Variants in PDE4D observed in about 807,000 individuals in gnomAD.
PDE4D encodes 3',5'-cyclic-AMP phosphodiesterase 4D.
In PDE4D, 24 loss-of-function variants were observed where a neutral mutation model predicts 87.4. The observed-to-expected ratio is 0.27, with a 90% CI of 0.20 to 0.39. The LOEUF is 0.39. PDE4D is among the 10% of genes least tolerant of loss of function. The probability of loss-of-function intolerance (pLI) is 1.00; values close to 1 mark genes in which losing one functional copy is unlikely to be tolerated. For synonymous variants in PDE4D, 384 were observed against 383.2 expected (o/e 1.00, Z -0.02); for missense variants, 714 against 1,041.0 (o/e 0.69, Z 4.32).
At chr5:60,014,812 G>A (rs1260488349) in intron 2 of PDE4D, among the ~76,000 whole-genome samples, 1 of 152,134 alleles carries the variant, frequency 6.6e-6, no homozygotes, top group African/African-American at 2.4e-5. Flanking sequence ...GGAATAAATA[G>A]TCTCACAAAG....
chr5:59,804,704 TA>T (rs1184530312), intron 1 of PDE4D, among the ~76,000 whole-genome samples: 1 of 152,212 alleles, frequency 6.6e-6, no homozygotes, highest in East Asian at 1.9e-4. Context: ...TCATAAAACT[TA>T]AAAACGAGGA....
chr5:60,220,840 T>C lies in PDE4D; in HGVS notation c.-89-35153A>G, dbSNP rs370882202. Among the ~76,000 whole-genome samples the C allele has an allele frequency of 3.3e-5, 5 of 152,252 alleles. No homozygotes were observed. In the East Asian group the frequency reaches 5.8e-4, roughly 18 times the overall value. On this transcript the variant is annotated intron_variant, in intron 1 of 16. Transcript: ENST00000502484. ...TACCTACTTCACTTACCTATTAAAA[T>C]AAGTCCTTTAATAGACTACTGGTAA...
intron 5 of PDE4D, among the ~76,000 whole-genome samples, chr5:59,108,025 AC>A (rs1375276963): frequency 6.6e-6 from 1 of 152,178 alleles, no homozygotes; most frequent in Non-Finnish European, 1.5e-5. Flanking sequence ...CATATTGGGG[AC>A]CATGGGTAAG....
intron 2 of PDE4D, among the ~76,000 whole-genome samples, chr5:60,152,897 A>G (rs1299963196): frequency 1.3e-5 from 2 of 152,178 alleles, no homozygotes; most frequent in East Asian, 3.8e-4. Flanking sequence ...TGATTTCTGT[A>G]GCATCAATTG....
chr5:60,497,587 A>G (rs1185399525), intron 1 of PDE4D, among the ~76,000 whole-genome samples: 2 of 151,802 alleles, frequency 1.3e-5, no homozygotes, highest in Non-Finnish European at 2.9e-5. Flanking sequence ...TATTTTTTGT[A>G]GAGACAGGGT....
At position 59,843,665 on chromosome 5, in the gene PDE4D, T is replaced by C. The variant is rs182454600; in HGVS notation, c.455+49503A>G. ...TGGCAGTAGGCAAGCTGCCTATGTT[T>C]ATAACTCTGAGCACACAGGTGATGT... On this transcript the variant is annotated intron_variant, in intron 1 of 14. Transcript: ENST00000340635. 5.3e-5 allele frequency among the ~76,000 whole-genome samples: 8 copies of C among 152,174 alleles called. No individual in the cohort carries two copies. In the East Asian group the frequency reaches 1.6e-3, roughly 30 times the overall value.
In PDE4D at chr5:59,586,768, G is replaced by C. The variant is rs934576429; in HGVS notation, c.455+306400C>G. The C allele has an allele frequency of 2.6e-5, 26 of 985,258 alleles. No individual in the cohort carries two copies. In the African/African-American group the frequency reaches 4.4e-4, roughly 17 times the overall value. 61.0% of individuals were successfully genotyped at this position (985,258 alleles called of 1,614,324 possible). On this transcript the variant is annotated intron_variant, in intron 1 of 14. Coordinates refer to ENST00000340635, the MANE Select transcript of PDE4D (RefSeq NM_001104631.2). ...AGGACTCTGGAATGTGGGAAGAAAG[G>C]AGTCAAAAGACAGTTTCTTGATATC...
chr5:60,227,059 A>T (rs1353809941), intron 1 of PDE4D, among the ~76,000 whole-genome samples: 3 of 152,140 alleles, frequency 2.0e-5, no homozygotes, highest in African/African-American at 7.2e-5. Flanking sequence ...AAACAGATAG[A>T]TATATAGATA....
intron 1 of PDE4D, among the ~76,000 whole-genome samples, chr5:59,221,050 A>G (rs1229600100): frequency 1.3e-5 from 2 of 152,110 alleles, no homozygotes; most frequent in Non-Finnish European, 2.9e-5. Context: ...AATCCTCACA[A>G]TAACACTTTG....
intron 5 of PDE4D, among the ~76,000 whole-genome samples, chr5:59,172,021 TATAATAAATATATA>T (rs1561622392): frequency 8.3e-4 from 12 of 14,442 alleles, no homozygotes; most frequent in African/African-American, 3.6e-3. Context: ...ATATTATATA[TATAATAAATATATA>T]TTATATATAT....
At chr5:59,466,126 C>T (rs576715063) in intron 1 of PDE4D, among the ~76,000 whole-genome samples, 1 of 151,976 alleles carries the variant, frequency 6.6e-6, no homozygotes, top group South Asian at 2.1e-4. Context: ...TATAACAAAA[C>T]CTGAAGAAAG....
intron 1 of PDE4D, among the ~76,000 whole-genome samples, chr5:59,374,199 G>A (rs1168623285): frequency 1.3e-5 from 2 of 152,076 alleles, no homozygotes; most frequent in Admixed American, 1.3e-4. Flanking sequence ...AATGTAAATG[G>A]ACTAAATGCC....
intron 5 of PDE4D, among the ~76,000 whole-genome samples, chr5:59,171,831 TA>T (rs1180195028): frequency 7.6e-6 from 1 of 132,144 alleles, no homozygotes; most frequent in Admixed American, 8.1e-5. Context: ...ATTTAATATA[TA>T]TTTTATATAT....
intron 1 of PDE4D, among the ~76,000 whole-genome samples, chr5:59,653,188 T>G: frequency 6.8e-6 from 1 of 146,212 alleles, no homozygotes; most frequent in East Asian, 2.0e-4. Flanking sequence ...ATTCTTCAAA[T>G]AATGTTAGCA....
intron 1 of PDE4D, among the ~76,000 whole-genome samples, chr5:59,641,338 T>C (rs1741549293): frequency 6.6e-6 from 1 of 152,170 alleles, no homozygotes; most frequent in Non-Finnish European, 1.5e-5. Context: ...TATACACCAG[T>C]GAGACCATCA....
intron 1 of PDE4D, among the ~76,000 whole-genome samples, chr5:59,636,109 C>T (rs1832210362): frequency 1.4e-5 from 2 of 142,992 alleles, no homozygotes; most frequent in Non-Finnish European, 3.1e-5. Context: ...ACAGCCAAAT[C>T]ATGAGCAAAC....
intron 1 of PDE4D, among the ~76,000 whole-genome samples, chr5:59,739,738 A>G (rs906208404): frequency 2.0e-5 from 3 of 152,184 alleles, no homozygotes; most frequent in African/African-American, 7.2e-5. Flanking sequence ...TCTATACATC[A>G]TATTTCTGAG....
chr5:60,505,472 C>T (rs1267627222), intron 1 of PDE4D, among the ~76,000 whole-genome samples: 3 of 152,198 alleles, frequency 2.0e-5, no homozygotes, highest in Admixed American at 6.5e-5. Context: ...AGCATATCAA[C>T]GTACGTTCTT....
intron 1 of PDE4D, among the ~76,000 whole-genome samples, chr5:59,731,910 A>T (rs1291732426): frequency 6.6e-6 from 1 of 152,212 alleles, no homozygotes; most frequent in East Asian, 1.9e-4. Context: ...ATTATAACTG[A>T]ATGTTGTTCT....
Sources: gnomAD v4.1 joint callset for allele counts (sites outside exome capture counted in the v4.1 genomes callset) on GRCh38, gnomAD v4.1.1 for gene constraint, MANE v1.5 for transcripts, NCBI Gene and HGNC (gene_info 2026-07-23, HGNC 2026-07-21) for gene names.